Variants in MACROD2 observed in about 807,000 individuals in gnomAD.
MACROD2 encodes the protein mono-ADP ribosylhydrolase 2.
In MACROD2, 36 loss-of-function variants were observed where a neutral mutation model predicts 70.4. That is an observed-to-expected ratio of 0.51 (90% confidence interval 0.39 to 0.68). The LOEUF (loss-of-function observed/expected upper bound fraction) is 0.68. Ranked by LOEUF, MACROD2 falls within the 30% of genes least tolerant of loss-of-function variation. MACROD2 has a pLI of 0.00. For synonymous variants in MACROD2, 172 were observed against 178.8 expected, an observed-to-expected ratio of 0.96 and a Z score of 0.30; for missense variants, 496 against 538.4, an observed-to-expected ratio of 0.92 and a Z score of 0.78.
chr20:14,866,861 G>A lies in MACROD2; in HGVS notation c.418+181902G>A, dbSNP rs550098846. On this transcript the variant is annotated intron_variant, in intron 5 of 17. Coordinates refer to ENST00000684519, the MANE Select transcript of MACROD2 (RefSeq NM_001351661.2). ...TTGGATAAATATGCATTTGCTTTAG[G>A]TTAAGGTGTTAATGCAACCTTGTCA... 6.6e-5 allele frequency among the ~76,000 whole-genome samples: 10 copies of A among 152,164 alleles called. No homozygotes were observed. In the East Asian group the frequency reaches 1.9e-3, roughly 29 times the overall value.
intron 5 of MACROD2, among the ~76,000 whole-genome samples, chr20:14,923,833 G>T (rs2074195223): frequency 6.6e-6 from 1 of 150,452 alleles, no homozygotes; most frequent in Non-Finnish European, 1.5e-5. Context: ...TGGAGGGTTG[G>T]GAAAGAGAAG....
chr20:15,473,851 A>G (rs1208656752), intron 7 of MACROD2, among the ~76,000 whole-genome samples: 3 of 152,156 alleles, frequency 2.0e-5, no homozygotes, highest in Non-Finnish European at 4.4e-5. Flanking sequence ...TTTCAATAGC[A>G]CACTCCTCAA....
chr20:15,523,693 G>A (rs1406664118), intron 8 of MACROD2, among the ~76,000 whole-genome samples: 3 of 152,140 alleles, frequency 2.0e-5, no homozygotes, highest in Non-Finnish European at 2.9e-5. Flanking sequence ...TCAGATTTCT[G>A]CTGTGGTTTA....
At chr20:15,985,388 A>G (rs1202255055) in intron 13 of MACROD2, among the ~76,000 whole-genome samples, 1 of 152,222 alleles carries the variant, frequency 6.6e-6, no homozygotes, top group Non-Finnish European at 1.5e-5. Flanking sequence ...CAAAGTATCT[A>G]GCAATTCAAG....
chr20:14,854,966 A>C (rs2073238608), intron 5 of MACROD2, among the ~76,000 whole-genome samples: 1 of 152,140 alleles, frequency 6.6e-6, no homozygotes, highest in Non-Finnish European at 1.5e-5. Context: ...CAGTGAGCCG[A>C]GATCGCACCA....
chr20:15,563,785 G>A (rs2048275841), intron 8 of MACROD2, among the ~76,000 whole-genome samples: 2 of 152,150 alleles, frequency 1.3e-5, no homozygotes. Flanking sequence ...GAAAGACAGG[G>A]ATATAGCACA....
intron 5 of MACROD2, among the ~76,000 whole-genome samples, chr20:14,822,477 A>G (rs1318615676): frequency 1.3e-5 from 2 of 152,110 alleles, no homozygotes; most frequent in African/African-American, 4.8e-5. Context: ...TGTGCTTGCA[A>G]TGCTATCATG....
intron 5 of MACROD2, among the ~76,000 whole-genome samples, chr20:14,782,793 A>G (rs2072318400): frequency 6.6e-6 from 1 of 151,896 alleles, no homozygotes; most frequent in African/African-American, 2.4e-5. Context: ...AAATTTCCTG[A>G]TTTTCTGTAC....
intron 8 of MACROD2, among the ~76,000 whole-genome samples, chr20:15,631,612 T>A (rs1482636762): frequency 6.6e-6 from 1 of 152,136 alleles, no homozygotes; most frequent in Non-Finnish European, 1.5e-5. Flanking sequence ...TTACAGTACT[T>A]TTTCCTTATT....
intron 15 of MACROD2, among the ~76,000 whole-genome samples, chr20:16,003,367 T>C (rs1320072659): frequency 6.6e-6 from 1 of 151,980 alleles, no homozygotes; most frequent in African/African-American, 2.4e-5. Flanking sequence ...TGTGTGTGTG[T>C]GCATCTCTTG....
intron 5 of MACROD2, among the ~76,000 whole-genome samples, chr20:14,845,852 A>G (rs555678829): frequency 1.8e-4 from 27 of 152,180 alleles, no homozygotes; most frequent in Middle Eastern, 3.4e-3. Flanking sequence ...GGCCATTAAA[A>G]ATGTTCCTTC....
At chr20:14,716,967 GTTTAAT>G in intron 5 of MACROD2, among the ~76,000 whole-genome samples, 1 of 152,070 alleles carries the variant, frequency 6.6e-6, no homozygotes, top group East Asian at 1.9e-4. Context: ...CTTAAATTAT[GTTTAAT>G]TTTGAGTGTC....
At chr20:14,477,442 A>T (rs994774651) in intron 3 of MACROD2, among the ~76,000 whole-genome samples, 3 of 152,196 alleles carry the variant, frequency 2.0e-5, no homozygotes, top group South Asian at 2.1e-4. Flanking sequence ...AAGTTGTAGC[A>T]CAAGATTTTA....
intron 5 of MACROD2, among the ~76,000 whole-genome samples, chr20:14,936,473 C>T (rs541085899): frequency 6.6e-6 from 1 of 152,190 alleles, no homozygotes; most frequent in South Asian, 2.1e-4. Flanking sequence ...TTTTAGCCAG[C>T]CCATCTTTAT....
intron 6 of MACROD2, among the ~76,000 whole-genome samples, chr20:15,376,143 G>C (rs2045559341): frequency 6.6e-6 from 1 of 152,110 alleles, no homozygotes; most frequent in Non-Finnish European, 1.5e-5. Flanking sequence ...GTTAATACTT[G>C]TTATTAATAC....
chr20:15,066,069 T>A (rs1216073284), intron 5 of MACROD2, among the ~76,000 whole-genome samples: 2 of 151,708 alleles, frequency 1.3e-5, no homozygotes, highest in Non-Finnish European at 2.9e-5. Context: ...ATGTTAGAGG[T>A]CGGAAGCTCC....
At chr20:14,509,509 CTG>C (rs1489064416) in intron 4 of MACROD2, among the ~76,000 whole-genome samples, 1 of 151,914 alleles carries the variant, frequency 6.6e-6, no homozygotes, top group African/African-American at 2.4e-5. Context: ...AATAATTGTG[CTG>C]TGTATGTTAT....
chr20:15,570,922 C>A (rs1265567225), intron 8 of MACROD2, among the ~76,000 whole-genome samples: 3 of 152,078 alleles, frequency 2.0e-5, no homozygotes, highest in African/African-American at 7.2e-5. Flanking sequence ...AGCAGGGGAT[C>A]AACACATATC....
intron 3 of MACROD2, among the ~76,000 whole-genome samples, chr20:14,181,022 T>C (rs2081300961): frequency 6.6e-6 from 1 of 151,946 alleles, no homozygotes; most frequent in Admixed American, 6.6e-5. Context: ...TTTTCTGTAG[T>C]TTCAGTTAAT....
Sources: gnomAD v4.1 joint callset for allele counts (sites outside exome capture counted in the v4.1 genomes callset) on GRCh38, gnomAD v4.1.1 for gene constraint, MANE v1.5 for transcripts, NCBI Gene and HGNC (gene_info 2026-07-23, HGNC 2026-07-21) for gene names.